Variants in MAP3K3 observed in about 807,000 individuals in gnomAD.
MAP3K3 encodes MAP/ERK kinase kinase 3.
MAP3K3 carries 12 observed loss-of-function variants against 80.9 expected under a neutral mutation model. The observed-to-expected ratio is 0.15, with a 90% CI of 0.10 to 0.24. The LOEUF is 0.24. Among genes scored for constraint, MAP3K3 ranks in the 10% least tolerant of loss-of-function variants. MAP3K3 has a pLI of 1.00. For missense variants in MAP3K3, 596 were observed against 834.7 expected (o/e 0.71, Z 3.52); for synonymous variants, 272 against 307.1 (o/e 0.89, Z 1.19).
At chr17:63,637,860 C>T (rs2143224581) in intron 2 of MAP3K3, among the ~76,000 whole-genome samples, 1 of 152,288 alleles carries the variant, frequency 6.6e-6, no homozygotes, top group Admixed American at 6.5e-5. Flanking sequence ...GGATCTAACC[C>T]TCCAGATGTT....
At chr17:63,632,543 G>T in intron 1 of MAP3K3, 138 bp from the exon 2 acceptor site, 1 of 886,950 alleles carries the variant, frequency 1.1e-6, no homozygotes, top group Non-Finnish European at 1.7e-6. Context: ...CTGACCTTTT[G>T]GGCTGCATCT....
chr17:63,691,973 C>G lies in MAP3K3; in HGVS notation c.1474+111C>G, dbSNP rs1313264317. On this transcript the variant is annotated intron_variant, in intron 14 of 15. Coordinates refer to ENST00000361733, the MANE Select transcript of MAP3K3 (RefSeq NM_002401.5). This position sits in a 1 kb window ranked among gnomAD's most constrained non-coding sequence, Gnocchi z 4.8. ...TTCTGAACTTTCTGAAAAGTGGGAC[C>G]CCAGTTGTTTCCCTGAGGAACTGGT... 1.0e-5 allele frequency: 13 copies of G among 1,275,760 alleles called. No individual in the cohort carries two copies. The highest frequency in any genetic ancestry group is 1.4e-5 in the Non-Finnish European group (13 of 909,958). 79.0% of individuals were successfully genotyped at this position (1,275,760 alleles called of 1,614,324 possible). A position where few individuals can be genotyped will look rare whatever the true frequency, so the allele number is the denominator to read the frequency against.
chr17:63,686,483 G>A (rs997114832), intron 8 of MAP3K3, among the ~76,000 whole-genome samples: 1 of 152,208 alleles, frequency 6.6e-6, no homozygotes, highest in African/African-American at 2.4e-5. Context: ...AGGGCTTGCT[G>A]TCATAGACTG....
chr17:63,641,077 G>A (rs1598070601), intron 2 of MAP3K3, among the ~76,000 whole-genome samples: 2 of 152,162 alleles, frequency 1.3e-5, no homozygotes, highest in African/African-American at 4.8e-5. Flanking sequence ...TAATAGACCT[G>A]TATTACCATT....
chr17:63,686,201 G>A (rs984231219), intron 8 of MAP3K3, among the ~76,000 whole-genome samples: 2 of 152,150 alleles, frequency 1.3e-5, no homozygotes, highest in Non-Finnish European at 2.9e-5. Flanking sequence ...TTTTGATCAC[G>A]TCTGTCTGGG....
At chr17:63,645,237 A>G (rs1004142136) in intron 2 of MAP3K3, among the ~76,000 whole-genome samples, 1 of 152,126 alleles carries the variant, frequency 6.6e-6, no homozygotes, top group African/African-American at 2.4e-5. Context: ...CGGGAGACGG[A>G]GGTTGCGGTG....
chr17:63,662,390 G>C (rs1157717136), intron 5 of MAP3K3, among the ~76,000 whole-genome samples: 2 of 152,052 alleles, frequency 1.3e-5, no homozygotes, highest in African/African-American at 4.8e-5. Flanking sequence ...ACTCCAGCCT[G>C]GGTGACAGAG....
intron 1 of MAP3K3, among the ~76,000 whole-genome samples, chr17:63,623,056 C>T (rs2034025172): frequency 6.6e-6 from 1 of 151,554 alleles, no homozygotes; most frequent in African/African-American, 2.4e-5. Flanking sequence ...GCCCGTGCTC[C>T]GCGGGGCAGC....
chr17:63,685,428 G>A (rs1231514940), intron 7 of MAP3K3, 89 bp from the exon 8 acceptor site: 1 of 947,666 alleles, frequency 1.1e-6, no homozygotes, highest in East Asian at 2.4e-5. Context: ...TGACAAAAAG[G>A]CCCATTTGCT....
intron 1 of MAP3K3, among the ~76,000 whole-genome samples, chr17:63,629,603 G>T (rs2034175979): frequency 1.3e-5 from 2 of 152,130 alleles, no homozygotes; most frequent in African/African-American, 4.8e-5. Flanking sequence ...AATCCAGGAA[G>T]AAATGCCTAA....
At chr17:63,667,193 C>A in intron 6 of MAP3K3, 133 bp downstream of exon 6, 1 of 978,370 alleles carries the variant, frequency 1.0e-6, no homozygotes, top group Non-Finnish European at 1.4e-6. Flanking sequence ...ATCCTTTATG[C>A]CTTTATTTTA....
intron 3 of MAP3K3, among the ~76,000 whole-genome samples, chr17:63,651,763 A>G (rs1017089285): frequency 4.6e-5 from 7 of 152,322 alleles, no homozygotes; most frequent in Admixed American, 2.6e-4. Flanking sequence ...TTCAATGTCA[A>G]TACTAGTTAC....
intron 8 of MAP3K3, among the ~76,000 whole-genome samples, chr17:63,686,290 G>C (rs545094248): frequency 6.6e-6 from 1 of 152,180 alleles, no homozygotes; most frequent in East Asian, 1.9e-4. Context: ...GTTCATTTGG[G>C]TAGTGATATT....
At position 63,646,051 on chromosome 17, in the gene MAP3K3, G is replaced by A. The variant is rs2034535075; in HGVS notation, c.144G>A (p.Lys48=). The change falls in exon 3 of 16, where the codon AAG becomes AAA. Residue 48 remains lysine (K), a synonymous_variant. Transcript: ENST00000361733. The part of the protein sequence containing the change: ...HSNRQSDVRI[K]FEHNGERRII... The stretch of plus-strand genomic sequence containing the variant: ...TTTGGCAGAGTGACGTCAGAATCAA[G>A]TTCGAGCACAACGGGGAGAGGCGGT... 6.2e-7 allele frequency: 1 copy of A among 1,614,140 alleles called. No homozygotes were observed.
Position 63,622,607 on chromosome 17 carries a change from G to A in MAP3K3, c.-153G>A, listed in dbSNP as rs2034008581. 6.1e-6 allele frequency: 1 copy of A among 165,058 alleles called. No individual in the cohort carries two copies. The highest frequency in any genetic ancestry group is 2.4e-5 in the African/African-American group (1 of 41,170). The allele number at this position is 165,058 out of a possible 1,614,324, so 10.2% of individuals were successfully genotyped here. A position where few individuals can be genotyped will look rare whatever the true frequency, so the allele number is the denominator to read the frequency against. On this transcript the variant is annotated 5_prime_UTR_variant, in exon 1 of 16. Transcript: ENST00000361733. ...GGCCGCGGGCGGAGCCGGAGCCGGAGCCTGGGGAGGCGGCGGGGGCCCAGA... is the reference window on the plus strand; with the variant it reads ...GGCCGCGGGCGGAGCCGGAGCCGGAACCTGGGGAGGCGGCGGGGGCCCAGA...
Position 63,688,811 on chromosome 17 carries a change from C to G in MAP3K3, c.801C>G (p.Asp267Glu). 1 of 1,613,784 alleles carries G rather than the reference C, an allele frequency of 6.2e-7. No homozygotes were observed. The highest frequency in any genetic ancestry group is 1.3e-5 in the African/African-American group (1 of 75,014). Residue 267 changes from aspartate (D) to glutamate (E), a missense_variant, in exon 10 of 16, where the codon GAC becomes GAG. By Grantham distance (45) the Asp-to-Glu change is conservative (BLOSUM62 2). Around this residue, in one of 2 missense-constraint regions of MAP3K3, gnomAD observed 364 missense variants for 588.9 expected, o/e 0.62. Transcript: ENST00000361733. ...EYSDRETQLY[D>E]KGVKGGTYPR... is the part of the protein sequence containing the mutation. Reference sequence around the variant, plus strand: ...CAGATCGGGAAACTCAGCTTTATGACAAAGGGGTCAAAGGTGGAACCTACC... The same window carrying G: ...CAGATCGGGAAACTCAGCTTTATGAGAAAGGGGTCAAAGGTGGAACCTACC...
chr17:63,656,293 T>C (rs2034766221), intron 4 of MAP3K3, among the ~76,000 whole-genome samples: 1 of 151,944 alleles, frequency 6.6e-6, no homozygotes, highest in Non-Finnish European at 1.5e-5. Context: ...TTGCTTGATT[T>C]TGTGTTTACC....
chr17:63,642,984 C>T (rs1256561146), intron 2 of MAP3K3, among the ~76,000 whole-genome samples: 1 of 151,500 alleles, frequency 6.6e-6, no homozygotes, highest in African/African-American at 2.4e-5. Context: ...TCTCAAACTC[C>T]TGGGCTCAAG....
intron 7 of MAP3K3, 109 bp from the exon 8 acceptor site, chr17:63,685,407 CT>C (rs1197313516): frequency 1.2e-6 from 1 of 828,702 alleles, no homozygotes; most frequent in African/African-American, 1.7e-5. Context: ...AAAAAGGACA[CT>C]TTCATGTTTT....
Sources: gnomAD v4.1 joint callset for allele counts (sites outside exome capture counted in the v4.1 genomes callset) on GRCh38, gnomAD v4.1.1 for gene constraint, gnomAD v4.1.1 regional missense constraint, Gnocchi (gnomAD v3.1) non-coding constraint, MANE v1.5 for transcripts, NCBI Gene and HGNC (gene_info 2026-07-23, HGNC 2026-07-21) for gene names.